UNC79: variants seen among roughly 807,000 people sequenced by gnomAD.
UNC79 encodes the protein unc-79 subunit of NALCN channel complex.
Under a neutral mutation model 283.1 loss-of-function variants are expected in UNC79, and 37 were observed. The ratio of observed to expected loss-of-function variants is 0.13; its 90% confidence interval spans 0.10 to 0.17. The LOEUF is 0.17. Ranked by LOEUF, UNC79 falls within the 10% of genes least tolerant of loss-of-function variation. The pLI is 1.00. For missense variants in UNC79, 2,272 were observed against 3,211.1 expected, an observed-to-expected ratio of 0.71 and a Z score of 7.07; for synonymous variants, 1,107 against 1,200.2, an observed-to-expected ratio of 0.92 and a Z score of 1.61.
At chr14:93,654,510 G>T (rs1010663067) in intron 37 of UNC79, among the ~76,000 whole-genome samples, 3 of 151,208 alleles carry the variant, frequency 2.0e-5, no homozygotes, top group African/African-American at 7.3e-5. Context: ...CATTACACTC[G>T]CAACGGAGCG....
rs60148384 is a variant in UNC79, at chr14:93,653,322, C to CATATATATAT, written c.6084-411_6084-402dup. On this transcript the variant is annotated intron_variant, in intron 35 of 48. Coordinates refer to ENST00000555664, the Ensembl canonical transcript of UNC79. ...ATGAGAATGAACATCTCTCTCACTG[C>CATATATATAT]ATATATATATATATATATGAATTTT... 5.4e-3 allele frequency among the ~76,000 whole-genome samples: 800 copies of CATATATATAT among 148,318 alleles called. 3 individuals carry two copies. The highest frequency in any genetic ancestry group is 0.01 in the Middle Eastern group (3 of 286).
rs71129647 is a variant in UNC79, at chr14:93,558,593, A to ATTTTTTT, written c.1756-13263_1756-13257dup. Among the ~76,000 whole-genome samples the ATTTTTTT allele has an allele frequency of 4.9e-4, 31 of 62,772 alleles. 1 individual carries two copies. The highest frequency in any genetic ancestry group is 1.8e-3 in the African/African-American group (25 of 13,610). The allele number at this position is 62,772 out of a possible 152,430, so 41.2% of individuals were successfully genotyped here. ...AATCTTGTAGAGGAGAGAAACAGGGATTTTTTTTTTTTTTTTTTTTTTTTT... is the reference window on the plus strand; with the variant it reads ...AATCTTGTAGAGGAGAGAAACAGGGATTTTTTTTTTTTTTTTTTTTTTTTTTTTTTTT... On this transcript the variant is annotated intron_variant, in intron 14 of 48. Transcript: ENST00000555664.
chr14:93,531,594 TTAAA>T lies in UNC79; in HGVS notation c.1094-952_1094-949del, dbSNP rs1160586250. Among the ~76,000 whole-genome samples the T allele has an allele frequency of 2.0e-5, 3 of 152,368 alleles. No homozygotes were observed. The highest frequency in any genetic ancestry group is 2.0e-4 in the Admixed American group (3 of 15,308). ...CCGTGGGTTTGAAAATTGCTTTCTC[TTAAA>T]TAACCCTACAGCTGGTTTTACACAC... is the stretch of plus-strand genomic sequence containing the variant. On this transcript the variant is annotated intron_variant, in intron 10 of 48. Coordinates refer to ENST00000555664, the Ensembl canonical transcript of UNC79. The surrounding 1 kb of genome is among the most constrained non-coding windows in gnomAD (Gnocchi z 4.2).
chr14:93,649,861 TAA>T (rs1168758587), intron 35 of UNC79, among the ~76,000 whole-genome samples: 1 of 152,238 alleles, frequency 6.6e-6, no homozygotes, highest in Non-Finnish European at 1.5e-5. Flanking sequence ...GCACAAATCT[TAA>T]GTGTTTATTC....
chr14:93,346,653 G>T (rs1309902989), intron 1 of UNC79, among the ~76,000 whole-genome samples: 3 of 150,588 alleles, frequency 2.0e-5, no homozygotes, highest in Admixed American at 1.3e-4. Flanking sequence ...TTTTATGGAA[G>T]ATTTAATTTG....
At chr14:93,414,384 A>G (rs993779006) in intron 1 of UNC79, among the ~76,000 whole-genome samples, 48 of 151,852 alleles carry the variant, frequency 3.2e-4, no homozygotes, top group African/African-American at 1.0e-3. Context: ...CCATTGATCT[A>G]TATTTCTGTT....
rs2061328741 is a variant in UNC79 at position 93,540,574 on chromosome 14, A to G, written c.1353-86A>G. On this transcript the variant is annotated intron_variant, in intron 12 of 48. Transcript: ENST00000555664. ...GAAGAGCAATCCAGGATGCTTGAGTACTCGTGAGGTACTTCCTCTGAATGG... is the reference window on the plus strand; with the variant it reads ...GAAGAGCAATCCAGGATGCTTGAGTGCTCGTGAGGTACTTCCTCTGAATGG... 6.9e-6 allele frequency: 10 copies of G among 1,451,850 alleles called. No individual in the cohort carries two copies. The East Asian group carries it at 1.4e-4, about 20-fold the overall frequency. 89.9% of individuals were successfully genotyped at this position (1,451,850 alleles called of 1,614,324 possible). A position where few individuals can be genotyped will look rare whatever the true frequency, so the allele number is the denominator to read the frequency against.
At chr14:93,532,505 G>A (rs2060874856) in intron 10 of UNC79, 45 bp from the exon 11 acceptor site, 1 of 1,588,774 alleles carries the variant, frequency 6.3e-7, no homozygotes, top group Non-Finnish European at 8.6e-7. Flanking sequence ...AAAATTAGAG[G>A]GGCTCTCTTT....
chr14:93,448,269 A>T (rs976150390), intron 1 of UNC79, among the ~76,000 whole-genome samples: 1 of 148,366 alleles, frequency 6.7e-6, no homozygotes, highest in East Asian at 2.0e-4. Context: ...TTCCTCTGTC[A>T]TGACCATTTC....
intron 4 of UNC79, among the ~76,000 whole-genome samples, chr14:93,482,844 C>T (rs2058210568): frequency 6.6e-6 from 1 of 152,176 alleles, no homozygotes; most frequent in Non-Finnish European, 1.5e-5. Flanking sequence ...ACATGTAAAT[C>T]AGATCATGCC....
chr14:93,545,553 C>G (rs2061555462), intron 14 of UNC79, among the ~76,000 whole-genome samples: 2 of 152,160 alleles, frequency 1.3e-5, no homozygotes, highest in Non-Finnish European at 2.9e-5. Context: ...TTTTACTCAT[C>G]TGTAAGGCTG....
At chr14:93,388,321 A>G (rs1481815514) in intron 1 of UNC79, among the ~76,000 whole-genome samples, 1 of 152,180 alleles carries the variant, frequency 6.6e-6, no homozygotes, top group Non-Finnish European at 1.5e-5. Flanking sequence ...CAATATATTC[A>G]GTCATTATTT....
At chr14:93,501,594 A>T (rs1253339570) in intron 7 of UNC79, among the ~76,000 whole-genome samples, 2 of 152,018 alleles carry the variant, frequency 1.3e-5, no homozygotes, top group Non-Finnish European at 2.9e-5. Flanking sequence ...AGGCTGAGGC[A>T]GGGGAATTGC....
intron 32 of UNC79, among the ~76,000 whole-genome samples, chr14:93,640,751 G>A (rs2068949116): frequency 6.6e-6 from 1 of 152,208 alleles, no homozygotes; most frequent in Admixed American, 6.5e-5. Context: ...ATGCGTTTGT[G>A]ATTTTAGAAA....
intron 40 of UNC79, among the ~76,000 whole-genome samples, chr14:93,664,007 G>C (rs2071884086): frequency 6.6e-6 from 1 of 152,078 alleles, no homozygotes; most frequent in African/African-American, 2.4e-5. Context: ...TCATTACACA[G>C]GATATCTCCT....
At chr14:93,366,937 A>T (rs1025257111) in intron 1 of UNC79, among the ~76,000 whole-genome samples, 9 of 152,180 alleles carry the variant, frequency 5.9e-5, no homozygotes, top group Non-Finnish European at 1.3e-4. Context: ...CTTAACCAAA[A>T]GACAGTATTA....
chr14:93,658,331 G>C (rs1251095645), intron 38 of UNC79, among the ~76,000 whole-genome samples: 1 of 152,196 alleles, frequency 6.6e-6, no homozygotes, highest in Non-Finnish European at 1.5e-5. Context: ...TGATTTGGGA[G>C]TTTCTGATTC....
chr14:93,483,560 A>G (rs897232609), intron 4 of UNC79, among the ~76,000 whole-genome samples: 8 of 151,042 alleles, frequency 5.3e-5, no homozygotes, highest in Admixed American at 5.3e-4. Context: ...TCTAGGGTAC[A>G]TATGCACAAT....
intron 1 of UNC79, among the ~76,000 whole-genome samples, chr14:93,457,240 TAA>T (rs2056821929): frequency 6.6e-6 from 1 of 152,202 alleles, no homozygotes; most frequent in Non-Finnish European, 1.5e-5. Context: ...GTGCTAAAAT[TAA>T]AGAGACTTTT....
Sources: allele counts gnomAD v4.1 joint callset (sites outside exome capture counted in the v4.1 genomes callset), GRCh38; gene constraint gnomAD v4.1.1; non-coding constraint Gnocchi (gnomAD v3.1); transcripts MANE v1.5; gene names NCBI Gene and HGNC (gene_info 2026-07-23, HGNC 2026-07-21).